DNAJC1: variants seen among roughly 807,000 people sequenced by gnomAD.
DNAJC1 encodes DnaJ heat shock protein family (Hsp40) member C1, also known as dnaJ homolog subfamily C member 1.
Under a neutral mutation model 76.6 loss-of-function variants are expected in DNAJC1, and 58 were observed. The observed-to-expected ratio is 0.76, with a 90% CI of 0.61 to 0.94. The LOEUF (loss-of-function observed/expected upper bound fraction) is 0.94, where lower values mean the gene tolerates loss of function less well. DNAJC1 is among the 40% of genes least tolerant of loss of function. DNAJC1 has a pLI of 0.00. For missense variants in DNAJC1, 689 were observed against 677.3 expected, an observed-to-expected ratio of 1.02 and a Z score of -0.19; for synonymous variants, 258 against 267.9, an observed-to-expected ratio of 0.96 and a Z score of 0.36.
At chr10:21,976,367 A>T (rs1416347448) in intron 1 of DNAJC1, among the ~76,000 whole-genome samples, 2 of 152,232 alleles carry the variant, frequency 1.3e-5, no homozygotes, top group Non-Finnish European at 1.5e-5. Flanking sequence ...CAATAATAAA[A>T]GCATGTGATT....
At chr10:21,854,533 G>A (rs779841330) in intron 8 of DNAJC1, among the ~76,000 whole-genome samples, 22 of 151,848 alleles carry the variant, frequency 1.4e-4, no homozygotes, top group Non-Finnish European at 2.4e-4. Context: ...ATATTCCTAA[G>A]ACAGAAGTGG....
At position 21,920,812 on chromosome 10, in the gene DNAJC1, G is replaced by A. The variant is rs769245949; in HGVS notation, c.523C>T (p.Leu175=). 6.2e-7 allele frequency: 1 copy of A among 1,609,840 alleles called. No homozygotes were observed. Among genetic ancestry groups the A allele is most frequent in the Non-Finnish European group, 8.5e-7 (1 of 1,177,468 alleles). Residue 175 remains leucine (L), a synonymous_variant, in exon 4 of 12, where the codon CTG becomes TTG. Transcript: ENST00000376980. ...GHYAVVWSIY[L]EKQLDELLSR... is the part of the protein sequence containing the mutation. ...CTAACACTTACCAGTTGTTTTTCCA[G>A]GTAGATTGACCAAACCACAGCATAA...
chr10:21,833,449 C>T (rs531522824), intron 8 of DNAJC1, among the ~76,000 whole-genome samples: 2 of 152,106 alleles, frequency 1.3e-5, no homozygotes, highest in Admixed American at 6.6e-5. Context: ...CCAGCTGAGG[C>T]AACAGTGTGA....
rs554290067 is a variant in DNAJC1, at chr10:21,902,528, C to T, written c.820+1994G>A. Among the ~76,000 whole-genome samples the T allele has an allele frequency of 9.9e-5, 15 of 152,260 alleles. 1 individual carries two copies. In the South Asian group the frequency reaches 3.1e-3, roughly 32 times the overall value. Reference sequence around the variant, plus strand: ...CCATGTTGTCCAGGTGGGTCTCGAACTCCTGACCTCTGGTGATCCGCCTGT... The same window carrying T: ...CCATGTTGTCCAGGTGGGTCTCGAATTCCTGACCTCTGGTGATCCGCCTGT... On this transcript the variant is annotated intron_variant, in intron 7 of 11. Coordinates refer to ENST00000376980, the MANE Select transcript of DNAJC1 (RefSeq NM_022365.4).
At chr10:21,981,345 T>C (rs1838154893) in intron 1 of DNAJC1, among the ~76,000 whole-genome samples, 2 of 152,166 alleles carry the variant, frequency 1.3e-5, no homozygotes, top group Admixed American at 1.3e-4. Context: ...GCACATACCA[T>C]TTGCGGTGTA....
intron 1 of DNAJC1, among the ~76,000 whole-genome samples, chr10:21,964,715 T>A (rs1480618685): frequency 6.6e-6 from 1 of 151,912 alleles, no homozygotes; most frequent in Non-Finnish European, 1.5e-5. Flanking sequence ...TTGGTTTTTT[T>A]TTTTTTTTAA....
chr10:21,929,005 C>A, intron 2 of DNAJC1, 35 bp downstream of exon 2: 2 of 1,327,714 alleles, frequency 1.5e-6, no homozygotes, highest in South Asian at 1.3e-5. Flanking sequence ...ATACATTTGT[C>A]ACAAAATATA....
intron 1 of DNAJC1, among the ~76,000 whole-genome samples, chr10:21,995,305 A>C (rs1309538457): frequency 6.6e-6 from 1 of 152,160 alleles, no homozygotes; most frequent in African/African-American, 2.4e-5. Flanking sequence ...AAATGGCAAC[A>C]ATGATCTTTT....
At chr10:21,827,889 A>G (rs1835288483) in intron 8 of DNAJC1, among the ~76,000 whole-genome samples, 1 of 152,172 alleles carries the variant, frequency 6.6e-6, no homozygotes, top group Non-Finnish European at 1.5e-5. Flanking sequence ...CACTACTAGC[A>G]TGCTGCAATG....
At chr10:21,756,891 T>C in intron 11 of DNAJC1, 136 bp from the exon 12 acceptor site, 1 of 739,316 alleles carries the variant, frequency 1.4e-6, no homozygotes, top group Non-Finnish European at 2.3e-6. Context: ...CGGGATGTCC[T>C]GGAGTCCAGT....
intron 8 of DNAJC1, among the ~76,000 whole-genome samples, chr10:21,848,653 A>T (rs1294469395): frequency 6.6e-6 from 1 of 152,208 alleles, no homozygotes; most frequent in Non-Finnish European, 1.5e-5. Flanking sequence ...ACATCTACAG[A>T]ACAATCCATC....
At chr10:21,845,331 T>C (rs1835639322) in intron 8 of DNAJC1, among the ~76,000 whole-genome samples, 1 of 151,274 alleles carries the variant, frequency 6.6e-6, no homozygotes, top group Non-Finnish European at 1.5e-5. Context: ...TAACTATGTC[T>C]GCATAAACTA....
chr10:21,976,786 C>T (rs1838073241), intron 1 of DNAJC1, among the ~76,000 whole-genome samples: 1 of 152,120 alleles, frequency 6.6e-6, no homozygotes, highest in Admixed American at 6.6e-5. Flanking sequence ...CCTTATGCTA[C>T]AGAGGCTATG....
intron 8 of DNAJC1, among the ~76,000 whole-genome samples, chr10:21,844,947 T>C (rs1835631354): frequency 6.6e-6 from 1 of 152,164 alleles, no homozygotes; most frequent in South Asian, 2.1e-4. Context: ...GGAGGACTGC[T>C]TGTGCACAGG....
chr10:21,770,002 T>G (rs1031672278), intron 9 of DNAJC1, among the ~76,000 whole-genome samples: 2 of 152,200 alleles, frequency 1.3e-5, no homozygotes, highest in African/African-American at 4.8e-5. Context: ...CATCAGTTTT[T>G]CCAATAAAAC....
At position 21,834,133 on chromosome 10, in the gene DNAJC1, G is replaced by A. The variant is rs935710409; in HGVS notation, c.979-28034C>T. 9.2e-5 allele frequency among the ~76,000 whole-genome samples: 14 copies of A among 152,090 alleles called. No homozygotes were observed. In the South Asian group the frequency reaches 1.7e-3, roughly 18 times the overall value. On this transcript the variant is annotated intron_variant, in intron 8 of 11. Transcript: ENST00000376980. ...CAAAAAATTAACCGGGCACGGTGGC[G>A]GGCGCCTGTAGTCCCAGCTACTCGG...
At chr10:21,904,171 C>T (rs1416789421) in intron 7 of DNAJC1, among the ~76,000 whole-genome samples, 1 of 152,082 alleles carries the variant, frequency 6.6e-6, no homozygotes, top group South Asian at 2.1e-4. Flanking sequence ...ACAACTGTTA[C>T]ACAGAAAGTT....
At chr10:21,932,237 G>C (rs1188291274) in intron 1 of DNAJC1, among the ~76,000 whole-genome samples, 1 of 152,136 alleles carries the variant, frequency 6.6e-6, no homozygotes, top group Admixed American at 6.5e-5. Flanking sequence ...CTACTTGGGA[G>C]GCTGAGGTGG....
intron 8 of DNAJC1, among the ~76,000 whole-genome samples, chr10:21,829,045 T>A (rs558333478): frequency 5.9e-5 from 9 of 152,246 alleles, no homozygotes; most frequent in Admixed American, 2.6e-4. Context: ...CTTTCTTTTC[T>A]TTTTGAGATG....
Sources: allele counts gnomAD v4.1 joint callset (sites outside exome capture counted in the v4.1 genomes callset), GRCh38; gene constraint gnomAD v4.1.1; transcripts MANE v1.5; gene names NCBI Gene and HGNC (gene_info 2026-07-23, HGNC 2026-07-21).